SEC14L2: variants seen among roughly 807,000 people sequenced by gnomAD.
SEC14L2 encodes SEC14-like protein 2.
A neutral mutation model predicts 56.9 loss-of-function variants in SEC14L2; 50 were observed. The observed-to-expected ratio is 0.88, with a 90% CI of 0.70 to 1.11. SEC14L2 has a LOEUF of 1.11. SEC14L2 is among the 50% of genes most tolerant of loss of function. SEC14L2 has a pLI of 0.00. For synonymous variants in SEC14L2, 179 were observed against 188.5 expected (o/e 0.95, Z 0.41); for missense variants, 414 against 500.7 (o/e 0.83, Z 1.65).
intron 8 of SEC14L2, among the ~76,000 whole-genome samples, chr22:30,415,454 T>C (rs1287188329): frequency 6.6e-6 from 1 of 152,048 alleles, no homozygotes; most frequent in Non-Finnish European, 1.5e-5. Flanking sequence ...CCTTCTCAAG[T>C]ACTTAGTTCA....
chr22:30,417,486 C>G (rs1934417511), intron 11 of SEC14L2, among the ~76,000 whole-genome samples: 1 of 152,194 alleles, frequency 6.6e-6, no homozygotes, highest in Admixed American at 6.5e-5. Context: ...CAGAGCTGAG[C>G]TGGACTTGAC....
chr22:30,413,562 A>G (rs1934309030), intron 8 of SEC14L2, among the ~76,000 whole-genome samples: 1 of 152,164 alleles, frequency 6.6e-6, no homozygotes, highest in Admixed American at 6.5e-5. Flanking sequence ...TCAAAAACAA[A>G]ACAAAAAGGT....
Position 30,399,624 on chromosome 22 carries a change from C to G in SEC14L2, c.55-19C>G. The stretch of plus-strand genomic sequence containing the variant: ...GTCAGGGCGGGCCCTACCACTCACC[C>G]CGATGCCTCTCCCTACAGTTTCGGG... On this transcript the variant is annotated intron_variant, in intron 1 of 11. Coordinates refer to ENST00000615189, the MANE Select transcript of SEC14L2 (RefSeq NM_012429.5). 1.2e-6 allele frequency: 2 copies of G among 1,607,684 alleles called. No homozygotes were observed. The highest frequency in any genetic ancestry group is 1.7e-6 in the Non-Finnish European group (2 of 1,176,054).
intron 2 of SEC14L2, chr22:30,400,607 C>T (rs1933899960): frequency 6.6e-6 from 1 of 151,852 alleles, no homozygotes; most frequent in Non-Finnish European, 1.5e-5. Context: ...AAGAAAATTC[C>T]ATTATGGCCA....
rs922684947 is a variant in SEC14L2 at position 30,409,454 on chromosome 22, C to G, written c.548C>G (p.Pro183Arg). ...EFLCMFEENY[P>R]ETLKRLFVVK... The stretch of plus-strand genomic sequence containing the variant: ...CTCTGCATGTTTGAGGAAAATTATC[C>G]CGAAACACTGAAGCGTCTTTTTGTT... Residue 183 changes from proline to arginine, a missense_variant, in exon 7 of 12, where the codon CCC becomes CGC. Pro to Arg is a moderately radical substitution (Grantham distance 103). Coordinates refer to ENST00000615189, the MANE Select transcript of SEC14L2 (RefSeq NM_012429.5). 6.2e-7 allele frequency: 1 copy of G among 1,614,120 alleles called. No individual in the cohort carries two copies. Among genetic ancestry groups the G allele is most frequent in the Non-Finnish European group, 8.5e-7 (1 of 1,180,008 alleles).
chr22:30,424,410 G>A lies in SEC14L2; in HGVS notation c.*2003G>A. ...CGGACTGTCCTATACAGCCCTACAA[G>A]ACAGAGGCGCCTAGGGCTGAAAGCG... On this transcript the variant is annotated 3_prime_UTR_variant, in exon 12 of 12. Transcript: ENST00000615189. 3.0e-6 allele frequency: 1 copy of A among 333,334 alleles called. No individual in the cohort carries two copies. Among genetic ancestry groups the A allele is most frequent in the Non-Finnish European group, 5.9e-6 (1 of 170,076 alleles). 20.6% of individuals were successfully genotyped at this position (333,334 alleles called of 1,614,324 possible).
intron 8 of SEC14L2, among the ~76,000 whole-genome samples, 156 bp from the exon 9 acceptor site, chr22:30,415,603 T>C (rs1264364646): frequency 6.6e-6 from 1 of 152,220 alleles, no homozygotes; most frequent in East Asian, 1.9e-4. Flanking sequence ...GTACTATGCA[T>C]GCACTGTGTG....
At chr22:30,405,944 C>T (rs1195658623) in intron 2 of SEC14L2, among the ~76,000 whole-genome samples, 1 of 152,044 alleles carries the variant, frequency 6.6e-6, no homozygotes, top group East Asian at 1.9e-4. Context: ...GTGTCAAGGT[C>T]TCAGGATTGG....
intron 1 of SEC14L2, chr22:30,397,520 G>A (rs555414242): frequency 4.2e-4 from 143 of 341,942 alleles, no homozygotes; most frequent in Admixed American, 8.1e-4. Flanking sequence ...CAGGGGCAGG[G>A]GCCCAAGTTT....
chr22:30,419,384 TCTA>T (rs1934459818), intron 11 of SEC14L2, among the ~76,000 whole-genome samples: 1 of 152,186 alleles, frequency 6.6e-6, no homozygotes, highest in South Asian at 2.1e-4. Flanking sequence ...AAACCCCGTC[TCTA>T]CTAAAAAATA....
chr22:30,403,686 G>T (rs917939301), intron 2 of SEC14L2, among the ~76,000 whole-genome samples: 1 of 152,146 alleles, frequency 6.6e-6, no homozygotes, highest in Non-Finnish European at 1.5e-5. Flanking sequence ...CTCACAGTTC[G>T]CCACCACTCC....
Position 30,407,581 on chromosome 22 carries a change from A to C in SEC14L2, c.401A>C (p.Glu134Ala). 6.2e-7 allele frequency: 1 copy of C among 1,614,058 alleles called. No individual in the cohort carries two copies. Residue 134 changes from glutamate (E) to alanine (A), a missense_variant, in exon 5 of 12, where the codon GAG becomes GCG. Physicochemically the swap from Glu to Ala is moderately radical, Grantham distance 107. Coordinates refer to ENST00000615189, the MANE Select transcript of SEC14L2 (RefSeq NM_012429.5). ...CGGGAGTGTGAGCTGCTTCTGCAAGAGTGTGCCCACCAGACCACAAAGGTG... is the reference window on the plus strand; with the variant it reads ...CGGGAGTGTGAGCTGCTTCTGCAAGCGTGTGCCCACCAGACCACAAAGGTG... The part of the protein sequence containing the change: ...KMRECELLLQ[E>A]CAHQTTKLGR...
intron 8 of SEC14L2, 120 bp from the exon 9 acceptor site, chr22:30,415,639 G>C (rs1934366514): frequency 6.7e-6 from 5 of 751,672 alleles, no homozygotes. Flanking sequence ...TTTGAGGCGG[G>C]GTGTTGTGGG....
chr22:30,415,640 G>C (rs2146036382), intron 8 of SEC14L2, 119 bp from the exon 9 acceptor site: 2 of 761,144 alleles, frequency 2.6e-6, no homozygotes. Flanking sequence ...TTGAGGCGGG[G>C]TGTTGTGGGG....
intron 5 of SEC14L2, chr22:30,408,974 T>G (rs934757759): frequency 1.6e-6 from 1 of 644,556 alleles, no homozygotes; most frequent in Non-Finnish European, 2.9e-6. Context: ...AGTCATGTAC[T>G]GGAAAAGAAC....
rs558990747 is a variant in SEC14L2 at position 30,425,024 on chromosome 22, C to T, written c.*2617C>T. The T allele has an allele frequency of 8.4e-6, 3 of 355,622 alleles. No homozygotes were observed. Among genetic ancestry groups the T allele is most frequent in the South Asian group, 6.3e-5 (3 of 47,734 alleles). The allele number at this position is 355,622 out of a possible 1,614,324, so 22.0% of individuals were successfully genotyped here. On this transcript the variant is annotated 3_prime_UTR_variant, in exon 12 of 12. Transcript: ENST00000615189. The stretch of plus-strand genomic sequence containing the variant: ...AGAAGGGACTCCAGAGTCCAGGCAC[C>T]TACCTCCCAGGGGCTCACCGTTCAC...
chr22:30,409,324 G>T (rs776827313), intron 6 of SEC14L2, 42 bp downstream of exon 6: 1 of 1,603,452 alleles, frequency 6.2e-7, no homozygotes, highest in South Asian at 1.1e-5. Flanking sequence ...GAGGGAAGGG[G>T]AGGAGGAGTA....
At chr22:30,409,870 A>T (rs1569208598) in intron 7 of SEC14L2, among the ~76,000 whole-genome samples, 2 of 151,734 alleles carry the variant, frequency 1.3e-5, no homozygotes, top group African/African-American at 4.9e-5. Context: ...ACTGCACTCC[A>T]GCCTGGGCGA....
chr22:30,410,747 G>C, intron 8 of SEC14L2, 68 bp downstream of exon 8: 1 of 1,458,150 alleles, frequency 6.9e-7, no homozygotes, highest in Middle Eastern at 1.7e-4. Context: ...CAGCTTTAGG[G>C]GTGTGGCCGT....
Sources: allele counts gnomAD v4.1 joint callset (sites outside exome capture counted in the v4.1 genomes callset), GRCh38; gene constraint gnomAD v4.1.1; transcripts MANE v1.5; gene names NCBI Gene and HGNC (gene_info 2026-07-23, HGNC 2026-07-21).